Variants in PHF21A observed in about 807,000 individuals in gnomAD.
PHF21A encodes the protein PHD finger protein 21A.
PHF21A carries 11 observed loss-of-function variants against 82.5 expected under a neutral mutation model. The ratio of observed to expected loss-of-function variants is 0.13; its 90% confidence interval spans 0.08 to 0.22. PHF21A has a LOEUF of 0.22. Ranked by LOEUF, PHF21A falls within the 10% of genes least tolerant of loss-of-function variation. PHF21A has a pLI of 1.00. For synonymous variants in PHF21A, 297 were observed against 302.8 expected (o/e 0.98, Z 0.20); for missense variants, 579 against 837.8 (o/e 0.69, Z 3.81).
intron 1 of PHF21A, among the ~76,000 whole-genome samples, chr11:46,105,362 G>A (rs1220142025): frequency 1.3e-5 from 2 of 152,122 alleles, no homozygotes; most frequent in Admixed American, 1.3e-4. Flanking sequence ...TGTGCCAGAC[G>A]TCTTTACAGG....
chr11:46,024,943 G>A (rs1025783500), intron 6 of PHF21A, among the ~76,000 whole-genome samples: 1 of 151,908 alleles, frequency 6.6e-6, no homozygotes, highest in African/African-American at 2.4e-5. Context: ...CCTTATTATT[G>A]AACATCCCTT....
intron 2 of PHF21A, among the ~76,000 whole-genome samples, chr11:46,091,246 T>A (rs1192769957): frequency 1.3e-5 from 2 of 152,168 alleles, no homozygotes; most frequent in Admixed American, 1.3e-4. Context: ...AAAATTTTTT[T>A]AAAAAGGAGT....
chr11:45,987,380 G>A (rs1477916670), intron 6 of PHF21A, among the ~76,000 whole-genome samples: 1 of 151,614 alleles, frequency 6.6e-6, no homozygotes, highest in Non-Finnish European at 1.5e-5. Flanking sequence ...AAGCACCTGA[G>A]GCCAGGCGTG....
chr11:45,999,613 G>A (rs1433827586), intron 6 of PHF21A, among the ~76,000 whole-genome samples: 1 of 152,170 alleles, frequency 6.6e-6, no homozygotes, highest in Non-Finnish European at 1.5e-5. Flanking sequence ...GTATAATTTA[G>A]GAGGAGCTGA....
intron 1 of PHF21A, among the ~76,000 whole-genome samples, chr11:46,094,400 A>G (rs2096965177): frequency 6.6e-6 from 1 of 152,214 alleles, no homozygotes; most frequent in Non-Finnish European, 1.5e-5. Flanking sequence ...TCACTCAGCT[A>G]GCTGATAGTG....
At chr11:46,051,085 T>A (rs926331903) in intron 6 of PHF21A, among the ~76,000 whole-genome samples, 1 of 152,206 alleles carries the variant, frequency 6.6e-6, no homozygotes, top group Non-Finnish European at 1.5e-5. Flanking sequence ...CAGCAAAAAG[T>A]AGCTTTCTAA....
chr11:45,968,932 A>C (rs1040684671), intron 9 of PHF21A, among the ~76,000 whole-genome samples: 1 of 58,618 alleles, frequency 1.7e-5, no homozygotes, highest in Non-Finnish European at 3.0e-5. Context: ...ACTCCATTGC[A>C]AAAAAAAAAA....
chr11:46,097,864 T>TG (rs1419390300), intron 1 of PHF21A, among the ~76,000 whole-genome samples: 2 of 152,242 alleles, frequency 1.3e-5, no homozygotes, highest in African/African-American at 4.8e-5. Flanking sequence ...TAGAATACCT[T>TG]GTACAAGTAG....
At chr11:46,040,694 A>G (rs79728014) in intron 6 of PHF21A, among the ~76,000 whole-genome samples, 14,510 of 152,286 alleles carry the variant, frequency 0.095, 944 homozygotes, top group Non-Finnish European at 0.14. Flanking sequence ...AGCAGCTTAC[A>G]TGAAACTGCA....
intron 6 of PHF21A, among the ~76,000 whole-genome samples, chr11:45,999,850 T>C (rs929916814): frequency 6.6e-6 from 1 of 152,138 alleles, no homozygotes; most frequent in African/African-American, 2.4e-5. Flanking sequence ...CTCCAGTATA[T>C]AGAAACATCG....
chr11:45,934,433 C>T (rs965017857), intron 18 of PHF21A: 1 of 547,308 alleles, frequency 1.8e-6, no homozygotes, highest in African/African-American at 1.9e-5. Flanking sequence ...CTGGGGGGTC[C>T]CAGGTCCCAG....
intron 6 of PHF21A, among the ~76,000 whole-genome samples, chr11:46,028,537 T>A (rs2095798195): frequency 6.6e-6 from 1 of 151,674 alleles, no homozygotes; most frequent in Non-Finnish European, 1.5e-5. Context: ...TAAGTTTACA[T>A]GCTAAAATAT....
chr11:46,021,269 C>T (rs143281579), intron 6 of PHF21A, among the ~76,000 whole-genome samples: 1,665 of 152,210 alleles, frequency 0.011, 28 homozygotes, highest in African/African-American at 0.038. Flanking sequence ...ACTCTGTTGC[C>T]CAGGCTGGTC....
At chr11:46,072,184 T>G (rs146033545) in intron 6 of PHF21A, among the ~76,000 whole-genome samples, 2 of 152,200 alleles carry the variant, frequency 1.3e-5, no homozygotes, top group East Asian at 3.8e-4. Flanking sequence ...AGTATTTATT[T>G]CCCAATTCTT....
intron 15 of PHF21A, among the ~76,000 whole-genome samples, chr11:45,942,229 T>A (rs535482520): frequency 8.3e-4 from 127 of 152,298 alleles, no homozygotes; most frequent in African/African-American, 2.6e-3. Context: ...TTTCAATTTT[T>A]AAAAAAACCT....
At chr11:46,023,645 C>T (rs768891971) in intron 6 of PHF21A, among the ~76,000 whole-genome samples, 2 of 152,300 alleles carry the variant, frequency 1.3e-5, no homozygotes, top group South Asian at 2.1e-4. Context: ...TCCTCAGTTG[C>T]TAATGTGTGT....
chr11:46,024,586 G>C (rs1256522947), intron 6 of PHF21A, among the ~76,000 whole-genome samples: 1 of 152,010 alleles, frequency 6.6e-6, no homozygotes, highest in East Asian at 1.9e-4. Flanking sequence ...GATCACTTGA[G>C]GTCAGGAGTT....
chr11:46,110,030 A>C (rs1280745228), intron 1 of PHF21A, among the ~76,000 whole-genome samples: 1 of 151,846 alleles, frequency 6.6e-6, no homozygotes, highest in African/African-American at 2.4e-5. Flanking sequence ...GTGGATCACT[A>C]ATTTTTTGGT....
At chr11:46,029,749 T>A (rs1191641909) in intron 6 of PHF21A, among the ~76,000 whole-genome samples, 2 of 152,074 alleles carry the variant, frequency 1.3e-5, no homozygotes, top group Non-Finnish European at 2.9e-5. Context: ...ATAAATTTCA[T>A]GTCATTTCCA....
Sources: gnomAD v4.1 joint callset for allele counts (sites outside exome capture counted in the v4.1 genomes callset) on GRCh38, gnomAD v4.1.1 for gene constraint, MANE v1.5 for transcripts, NCBI Gene and HGNC (gene_info 2026-07-23, HGNC 2026-07-21) for gene names.